Variants in XPNPEP1 observed in about 807,000 individuals in gnomAD.
XPNPEP1 encodes the protein X-prolyl aminopeptidase 1.
In XPNPEP1, 39 loss-of-function variants were observed where a neutral mutation model predicts 92.4. The observed-to-expected ratio is 0.42, with a 90% CI of 0.33 to 0.55. The LOEUF (loss-of-function observed/expected upper bound fraction) is 0.55, where lower values mean the gene tolerates loss of function less well. Ranked by LOEUF, XPNPEP1 falls within the 20% of genes least tolerant of loss-of-function variation. XPNPEP1 has a pLI of 0.08. For synonymous variants in XPNPEP1, 307 were observed against 299.4 expected (o/e 1.03, Z -0.26); for missense variants, 654 against 856.1 (o/e 0.76, Z 2.95).
chr10:109,877,511 C>G (rs1013193413), intron 14 of XPNPEP1: 4 of 427,818 alleles, frequency 9.3e-6, no homozygotes, highest in Middle Eastern at 6.7e-4. Flanking sequence ...GCTATGCATA[C>G]AGTTCCTGCA....
intron 15 of XPNPEP1, among the ~76,000 whole-genome samples, chr10:109,875,227 G>A (rs1179046069): frequency 6.6e-6 from 1 of 152,162 alleles, no homozygotes; most frequent in Non-Finnish European, 1.5e-5. Context: ...TCATGGGCTG[G>A]GGTGGAAAAC....
At chr10:109,894,972 C>T (rs2133461113) in intron 3 of XPNPEP1, among the ~76,000 whole-genome samples, 1 of 152,224 alleles carries the variant, frequency 6.6e-6, no homozygotes, top group South Asian at 2.1e-4. Flanking sequence ...GAAGGGTGGC[C>T]CACACATCTC....
intron 3 of XPNPEP1, among the ~76,000 whole-genome samples, chr10:109,896,028 G>C (rs954013144): frequency 3.3e-5 from 5 of 152,114 alleles, no homozygotes; most frequent in African/African-American, 9.7e-5. Context: ...CCATGCTCCA[G>C]ACACACCCAC....
At chr10:109,923,191 G>A (rs1379020177) in intron 1 of XPNPEP1, 2 of 985,296 alleles carry the variant, frequency 2.0e-6, no homozygotes, top group East Asian at 1.1e-4. Context: ...CGTGCCCACC[G>A]ACCCTCCGGA....
rs539794583 is a variant in XPNPEP1, at chr10:109,888,314, T to A, written c.509-122A>T. 2.0e-5 allele frequency: 28 copies of A among 1,401,436 alleles called. No individual in the cohort carries two copies. The African/African-American group carries it at 3.6e-4, about 18-fold the overall frequency. 86.8% of individuals were successfully genotyped at this position (1,401,436 alleles called of 1,614,324 possible). The stretch of plus-strand genomic sequence containing the variant: ...TCCTGCCATGGCCCAGAGCTGGGTG[T>A]GCAGGATGAGGAACTGTAAAAGCAC... On this transcript the variant is annotated intron_variant, in intron 6 of 20. Transcript: ENST00000502935.
intron 3 of XPNPEP1, among the ~76,000 whole-genome samples, chr10:109,900,801 AG>A (rs1849246653): frequency 6.6e-6 from 1 of 152,196 alleles, no homozygotes; most frequent in Non-Finnish European, 1.5e-5. Flanking sequence ...ATGACCAGTC[AG>A]GGGTAATTCA....
intron 5 of XPNPEP1, among the ~76,000 whole-genome samples, chr10:109,889,393 G>C (rs755340926): frequency 5.9e-5 from 9 of 152,172 alleles, no homozygotes; most frequent in Non-Finnish European, 1.0e-4. Context: ...AGTAAAGACG[G>C]GGTTTCACCA....
chr10:109,914,969 C>T, intron 2 of XPNPEP1, 42 bp downstream of exon 2: 1 of 1,383,314 alleles, frequency 7.2e-7, no homozygotes, highest in Non-Finnish European at 9.8e-7. Context: ...GATCTAAAAT[C>T]CTTTACAGAT....
rs989304365 is a variant in XPNPEP1 at position 109,907,586 on chromosome 10, T to C, written c.246+105A>G. 6.8e-5 allele frequency: 104 copies of C among 1,539,086 alleles called. No individual in the cohort carries two copies. The East Asian group carries it at 2.3e-3, about 34-fold the overall frequency. On this transcript the variant is annotated intron_variant, in intron 3 of 20. Coordinates refer to ENST00000502935, the MANE Select transcript of XPNPEP1 (RefSeq NM_020383.4). ...TCCCCATAGCAAGCCCTGGAAGGGC[T>C]TGGTTGTGGCCCTGGTTGTGGGTTG...
chr10:109,887,003 T>C (rs1848428120), intron 7 of XPNPEP1, among the ~76,000 whole-genome samples: 1 of 152,044 alleles, frequency 6.6e-6, no homozygotes, highest in African/African-American at 2.4e-5. Context: ...CTAGAGGAGC[T>C]CACCCCATTG....
chr10:109,923,238 C>A (rs963313521), intron 1 of XPNPEP1, 164 bp downstream of exon 1: 1 of 985,164 alleles, frequency 1.0e-6, no homozygotes, highest in Non-Finnish European at 1.2e-6. Flanking sequence ...TGGACCCCTT[C>A]CCCCGGCTCC....
chr10:109,883,908 C>A, intron 9 of XPNPEP1, 159 bp downstream of exon 9: 1 of 674,046 alleles, frequency 1.5e-6, no homozygotes, highest in Middle Eastern at 4.3e-4. Context: ...TAAACACCTA[C>A]TGCTAAGGAA....
rs565199234 is a variant in XPNPEP1, at chr10:109,913,398, T to C, written c.121+1613A>G. Among the ~76,000 whole-genome samples, 12 of 152,332 alleles carry C rather than the reference T, an allele frequency of 7.9e-5. No homozygotes were observed. The South Asian group carries it at 1.0e-3, about 13-fold the overall frequency. ...GAATTCCCAAGTCTCGTTATAAGAA[T>C]GGAAGGGGCCAGTTTACTCCAATTT... On this transcript the variant is annotated intron_variant, in intron 2 of 20. Coordinates refer to ENST00000502935, the MANE Select transcript of XPNPEP1 (RefSeq NM_020383.4).
intron 3 of XPNPEP1, chr10:109,894,182 C>G (rs1370396341): frequency 6.6e-6 from 1 of 152,190 alleles, no homozygotes; most frequent in Non-Finnish European, 1.5e-5. Flanking sequence ...TTAGGACAGT[C>G]AACATGATGT....
intron 16 of XPNPEP1, among the ~76,000 whole-genome samples, chr10:109,872,404 C>G (rs1042477158): frequency 1.3e-5 from 2 of 152,212 alleles, no homozygotes; most frequent in Non-Finnish European, 2.9e-5. Context: ...GGGTTATCCC[C>G]ACTGTCCGGA....
At chr10:109,880,321 G>GAGA (rs1207604187) in intron 11 of XPNPEP1, 83 bp from the exon 12 acceptor site, 1 of 1,415,634 alleles carries the variant, frequency 7.1e-7, no homozygotes, top group Non-Finnish European at 9.9e-7. Flanking sequence ...ATGCAATACT[G>GAGA]AGAAGGCTGT....
chr10:109,888,521 G>T lies in XPNPEP1; in HGVS notation c.490C>A (p.Pro164Thr). ...CACTTACCTGTAGGAATGATCAAGG[G>T]GTCCACACCAACCCTGGATCCTTCA... ...LPEGSRVGVDPLIIPTDYWKK... is the reference protein window; with the variant it reads ...LPEGSRVGVDTLIIPTDYWKK... The change falls in exon 6 of 21, where the codon CCC becomes ACC. Residue 164 changes from proline to threonine, a missense_variant. Transcript: ENST00000502935. The T allele has an allele frequency of 6.2e-7, 1 of 1,611,048 alleles. No individual in the cohort carries two copies. The highest frequency in any genetic ancestry group is 1.1e-5 in the South Asian group (1 of 90,334).
intron 3 of XPNPEP1, among the ~76,000 whole-genome samples, chr10:109,899,664 G>A (rs1466339717): frequency 6.6e-6 from 1 of 152,244 alleles, no homozygotes. Flanking sequence ...CAGGAGAATG[G>A]AGTAGGGTCC....
In XPNPEP1 at chr10:109,867,104, G is replaced by C. The variant is rs1312385019; in HGVS notation, c.1872+1510C>G. Among the ~76,000 whole-genome samples, 2 of 152,246 alleles carry C rather than the reference G, an allele frequency of 1.3e-5. No individual in the cohort carries two copies. The highest frequency in any genetic ancestry group is 2.1e-4 in the South Asian group (1 of 4,838). Reference sequence around the variant, plus strand: ...GGAATCCATAGCCTTGGACTTCCAAGAGTGCGAAATGACTTATTACTGGAA... The same window carrying C: ...GGAATCCATAGCCTTGGACTTCCAACAGTGCGAAATGACTTATTACTGGAA... On this transcript the variant is annotated intron_variant, in intron 20 of 20. Transcript: ENST00000502935. This position sits in a 1 kb window ranked among gnomAD's most constrained non-coding sequence, Gnocchi z 4.5.
Sources: gnomAD v4.1 joint callset for allele counts (sites outside exome capture counted in the v4.1 genomes callset) on GRCh38, gnomAD v4.1.1 for gene constraint, Gnocchi (gnomAD v3.1) non-coding constraint, MANE v1.5 for transcripts, NCBI Gene and HGNC (gene_info 2026-07-23, HGNC 2026-07-21) for gene names.